Variants in NKD1 observed in about 807,000 individuals in gnomAD.
NKD1 encodes the protein protein naked cuticle homolog 1.
In NKD1, 21 loss-of-function variants were observed where a neutral mutation model predicts 56.0. The ratio of observed to expected loss-of-function variants is 0.38; its 90% CI spans 0.27 to 0.54. The LOEUF is 0.54. NKD1 is among the 20% of genes least tolerant of loss of function. The probability of loss-of-function intolerance (pLI) is 0.82; values close to 1 mark genes in which losing one functional copy is unlikely to be tolerated. For synonymous variants in NKD1, 263 were observed against 265.7 expected (o/e 0.99, Z 0.10); for missense variants, 578 against 642.7 (o/e 0.90, Z 1.09).
chr16:50,643,660 C>T lies in NKD1; in HGVS notation c.*9879C>T, dbSNP rs4486887. The T allele has an allele frequency of 0.77, 117,150 of 152,286 alleles. 45,953 individuals are homozygous for T. Among genetic ancestry groups the T allele is most frequent in the African/African-American group, 0.93 (38,747 of 41,568 alleles). The allele number at this position is 152,286 out of a possible 1,614,324, so 9.4% of individuals were successfully genotyped here. On this transcript the variant is annotated 3_prime_UTR_variant, in exon 10 of 10. Transcript: ENST00000268459. ...CACTGAGTTAGCGCATACTGAACTA[C>T]TGATCCTAGGGGAAATACAGGGTTA...
Position 50,621,644 on chromosome 16 carries a change from A to G in NKD1, c.302A>G (p.Asp101Gly). 6.2e-7 allele frequency: 1 copy of G among 1,613,998 alleles called. No individual in the cohort carries two copies. Among genetic ancestry groups the G allele is most frequent in the Non-Finnish European group, 8.5e-7 (1 of 1,179,966 alleles). The change falls in exon 5 of 10, where the codon GAT becomes GGT. Residue 101 changes from aspartate to glycine, a missense_variant. Physicochemically the swap from Asp to Gly is moderately conservative, Grantham distance 94. Transcript: ENST00000268459. Reference sequence around the variant, plus strand: ...AAGACTGACGGGCTGGGCAGCGGAGATGAGAAGAAGATGGAGAGAGTGAGC... The same window carrying G: ...AAGACTGACGGGCTGGGCAGCGGAGGTGAGAAGAAGATGGAGAGAGTGAGC... ...PEKTDGLGSG[D>G]EKKMERVSEP...
At chr16:50,621,833 C>T (rs1962098078) in intron 5 of NKD1, 125 bp downstream of exon 5, 1 of 699,924 alleles carries the variant, frequency 1.4e-6, no homozygotes, top group African/African-American at 1.8e-5. Flanking sequence ...GAACAGCACC[C>T]TCTGTGGGAG....
intron 4 of NKD1, among the ~76,000 whole-genome samples, chr16:50,615,656 C>T (rs556102446): frequency 3.2e-4 from 48 of 152,266 alleles, no homozygotes; most frequent in South Asian, 1.9e-3. Context: ...GCCTTTGGAC[C>T]CCTCCTTAGG....
At position 50,549,561 on chromosome 16, in the gene NKD1, A is replaced by T. The variant is rs1443844763; in HGVS notation, c.192+6A>T. 1 of 1,573,472 alleles carries T rather than the reference A, an allele frequency of 6.4e-7. No homozygotes were observed. On this transcript the variant is annotated splice_donor_region_variant and intron_variant, in intron 3 of 9. Coordinates refer to ENST00000268459, the MANE Select transcript of NKD1 (RefSeq NM_033119.5). ...CCATAGGCCGAAGCACCCGGGTATG[A>T]TTCCCCACCCCTGCCCCACCTCCTG...
At chr16:50,582,995 G>A (rs1483671249) in intron 3 of NKD1, among the ~76,000 whole-genome samples, 1 of 152,152 alleles carries the variant, frequency 6.6e-6, no homozygotes, top group Non-Finnish European at 1.5e-5. Context: ...GACAGCGCGA[G>A]ACTCCATCCC....
chr16:50,578,104 T>A (rs1961028827), intron 3 of NKD1, among the ~76,000 whole-genome samples: 1 of 152,182 alleles, frequency 6.6e-6, no homozygotes, highest in Non-Finnish European at 1.5e-5. Context: ...GGAAAATGAG[T>A]GACTTAGTGG....
intron 3 of NKD1, among the ~76,000 whole-genome samples, chr16:50,566,703 A>G (rs2151265513): frequency 6.6e-6 from 1 of 152,386 alleles, no homozygotes; most frequent in East Asian, 1.9e-4. Flanking sequence ...GGGTAAGGAC[A>G]GGGCAGCTAG....
At chr16:50,609,086 A>G (rs977468673) in intron 4 of NKD1, among the ~76,000 whole-genome samples, 1 of 152,204 alleles carries the variant, frequency 6.6e-6, no homozygotes, top group African/African-American at 2.4e-5. Context: ...TGGCCTCCCA[A>G]AGTGCTGGGG....
intron 4 of NKD1, among the ~76,000 whole-genome samples, chr16:50,621,153 G>T (rs1390055644): frequency 1.3e-5 from 2 of 152,258 alleles, no homozygotes; most frequent in Non-Finnish European, 2.9e-5. Flanking sequence ...ATCCACCAAG[G>T]TGCCGTAGGC....
In NKD1 at chr16:50,597,733, A is replaced by C. The variant is rs573043920; in HGVS notation, c.193-10561A>C. 6.6e-5 allele frequency among the ~76,000 whole-genome samples: 10 copies of C among 151,932 alleles called. No homozygotes were observed. The South Asian group carries it at 2.1e-3, about 32-fold the overall frequency. On this transcript the variant is annotated intron_variant, in intron 3 of 9. Coordinates refer to ENST00000268459, the MANE Select transcript of NKD1 (RefSeq NM_033119.5). ...TCACCTTCTCGGCTTTTCCACACCC[A>C]CCTTTGGTGTGATCATCGTGCACTG...
chr16:50,574,670 A>G, intron 3 of NKD1: 1 of 985,114 alleles, frequency 1.0e-6, no homozygotes, highest in Non-Finnish European at 1.2e-6. Context: ...TCCCCTCCCC[A>G]CCTCCTTGCC....
At chr16:50,625,339 C>T (rs1962185235) in intron 5 of NKD1, 146 bp from the exon 6 acceptor site, 2 of 653,588 alleles carry the variant, frequency 3.1e-6, no homozygotes, top group Non-Finnish European at 5.5e-6. Flanking sequence ...TCTGTCTTGG[C>T]CAAAGTGCTC....
At chr16:50,601,509 C>T (rs943355293) in intron 3 of NKD1, among the ~76,000 whole-genome samples, 4 of 152,238 alleles carry the variant, frequency 2.6e-5, no homozygotes, top group African/African-American at 7.2e-5. Flanking sequence ...CAGCCTCCTT[C>T]TGGAGAAGGC....
At chr16:50,619,185 T>C (rs1454054680) in intron 4 of NKD1, among the ~76,000 whole-genome samples, 2 of 152,050 alleles carry the variant, frequency 1.3e-5, no homozygotes, top group African/African-American at 4.8e-5. Context: ...TGTTTTTCTT[T>C]CTTCTTTTTC....
intron 3 of NKD1, among the ~76,000 whole-genome samples, chr16:50,563,217 T>C (rs1960681400): frequency 6.6e-6 from 1 of 152,282 alleles, no homozygotes; most frequent in Non-Finnish European, 1.5e-5. Context: ...ATGAGGCTAG[T>C]GGCTACCTCA....
intron 3 of NKD1, among the ~76,000 whole-genome samples, chr16:50,585,460 A>G (rs1342576923): frequency 6.6e-6 from 1 of 152,220 alleles, no homozygotes; most frequent in East Asian, 1.9e-4. Flanking sequence ...TTGGACGTGC[A>G]TCCTGGGCCT....
At chr16:50,593,363 AATG>A (rs1432133187) in intron 3 of NKD1, among the ~76,000 whole-genome samples, 1 of 152,158 alleles carries the variant, frequency 6.6e-6, no homozygotes, top group Non-Finnish European at 1.5e-5. Context: ...CAGGGGCTCA[AATG>A]ATGTCAGGAC....
rs1327039391 is a variant in NKD1, at chr16:50,632,011, A to G, written c.696-270A>G. 6.6e-6 allele frequency among the ~76,000 whole-genome samples: 1 copy of G among 152,098 alleles called. No homozygotes were observed. The highest frequency in any genetic ancestry group is 1.5e-5 in the Non-Finnish European group (1 of 67,998). ...CAATAACCTCTCACGTTTGCTTTGA[A>G]CCTGTTCAGAGCAAAACCCCGTCCA... On this transcript the variant is annotated intron_variant, in intron 8 of 9. Transcript: ENST00000268459. The surrounding 1 kb of genome is among the most constrained non-coding windows in gnomAD (Gnocchi z 4.1).
chr16:50,573,469 G>A (rs1038654339), intron 3 of NKD1, among the ~76,000 whole-genome samples: 2 of 152,204 alleles, frequency 1.3e-5, no homozygotes, highest in Admixed American at 6.5e-5. Context: ...TGTGAAGCCG[G>A]GTGCTGCGGG....
Sources: allele counts gnomAD v4.1 joint callset (sites outside exome capture counted in the v4.1 genomes callset), GRCh38; gene constraint gnomAD v4.1.1; non-coding constraint Gnocchi (gnomAD v3.1); transcripts MANE v1.5; gene names NCBI Gene and HGNC (gene_info 2026-07-23, HGNC 2026-07-21).